MCUB: variants seen among roughly 807,000 people sequenced by gnomAD.
MCUB encodes the protein calcium uniporter regulatory subunit MCUb, mitochondrial.
Under a neutral mutation model 41.4 loss-of-function variants are expected in MCUB, and 46 were observed. The ratio of observed to expected loss-of-function variants is 1.11; its 90% CI spans 0.88 to 1.42. The LOEUF (loss-of-function observed/expected upper bound fraction) is 1.42, where lower values mean the gene tolerates loss of function less well. MCUB is among the 40% of genes most tolerant of loss of function. MCUB has a pLI of 0.00. For synonymous variants in MCUB, 148 were observed against 148.2 expected (o/e 1.00, Z 0.01); for missense variants, 403 against 404.9 (o/e 1.00, Z 0.04).
At chr4:109,603,657 C>T (rs1027531388) in intron 1 of MCUB, among the ~76,000 whole-genome samples, 5 of 150,830 alleles carry the variant, frequency 3.3e-5, no homozygotes, top group African/African-American at 1.2e-4. Context: ...AACTGAGGAG[C>T]GCCTCTGCCC....
chr4:109,658,272 G>A (rs1417414166), intron 1 of MCUB, among the ~76,000 whole-genome samples: 1 of 152,002 alleles, frequency 6.6e-6, no homozygotes, highest in African/African-American at 2.4e-5. Flanking sequence ...CTGGAATTCA[G>A]TACATCTGGT....
chr4:109,660,897 T>C (rs1729217364), intron 3 of MCUB, among the ~76,000 whole-genome samples: 3 of 152,308 alleles, frequency 2.0e-5, no homozygotes, highest in South Asian at 4.1e-4. Context: ...TAAATTTCAG[T>C]TACTTATTTT....
intron 1 of MCUB, among the ~76,000 whole-genome samples, chr4:109,609,571 T>G (rs1346430704): frequency 6.6e-6 from 1 of 152,148 alleles, no homozygotes; most frequent in Non-Finnish European, 1.5e-5. Context: ...ATTCTGTGAC[T>G]TAGAATGTCT....
intron 1 of MCUB, among the ~76,000 whole-genome samples, chr4:109,572,576 T>C (rs1320369477): frequency 6.6e-6 from 1 of 152,178 alleles, no homozygotes; most frequent in Non-Finnish European, 1.5e-5. Context: ...CGTGTCTTAG[T>C]ATATAATATC....
intron 1 of MCUB, among the ~76,000 whole-genome samples, chr4:109,656,606 A>G (rs2126143737): frequency 6.6e-6 from 1 of 152,042 alleles, no homozygotes; most frequent in East Asian, 1.9e-4. Context: ...TCTGGGCTCA[A>G]GCAATCCGTC....
chr4:109,675,996 CAG>C (rs1400096372), intron 4 of MCUB, among the ~76,000 whole-genome samples: 1 of 152,104 alleles, frequency 6.6e-6, no homozygotes, highest in East Asian at 1.9e-4. Context: ...CAGCAGAAAA[CAG>C]ATTAAGACAG....
chr4:109,577,256 A>C (rs1051439021), intron 1 of MCUB, among the ~76,000 whole-genome samples: 2 of 152,208 alleles, frequency 1.3e-5, no homozygotes, highest in Non-Finnish European at 2.9e-5. Flanking sequence ...TGCTTTATTC[A>C]ATCATTTTTA....
intron 1 of MCUB, among the ~76,000 whole-genome samples, chr4:109,607,001 C>G (rs1370315298): frequency 2.0e-5 from 3 of 152,174 alleles, no homozygotes; most frequent in Non-Finnish European, 4.4e-5. Flanking sequence ...CCTGCCTCAG[C>G]TTCCCAAAGT....
intron 1 of MCUB, among the ~76,000 whole-genome samples, chr4:109,606,791 G>A (rs1441613406): frequency 6.6e-6 from 1 of 152,180 alleles, no homozygotes; most frequent in Non-Finnish European, 1.5e-5. Flanking sequence ...TTTTCATCCA[G>A]GCTGGAGTGC....
chr4:109,636,828 C>T (rs181785696), intron 1 of MCUB, among the ~76,000 whole-genome samples: 2 of 152,208 alleles, frequency 1.3e-5, no homozygotes, highest in East Asian at 3.9e-4. Flanking sequence ...GAGTGAGACT[C>T]CATCTCAAAA....
At chr4:109,593,485 C>T (rs571931844) in intron 1 of MCUB, among the ~76,000 whole-genome samples, 2 of 152,196 alleles carry the variant, frequency 1.3e-5, no homozygotes, top group Non-Finnish European at 2.9e-5. Flanking sequence ...GGATGATTAT[C>T]TGAGATCACG....
At chr4:109,593,820 T>C (rs146085246) in intron 1 of MCUB, among the ~76,000 whole-genome samples, 2 of 152,354 alleles carry the variant, frequency 1.3e-5, no homozygotes, top group Non-Finnish European at 2.9e-5. Context: ...AGTAATAAAA[T>C]ATAATACATT....
intron 6 of MCUB, 62 bp downstream of exon 6, chr4:109,684,708 G>A (rs1426134464): frequency 8.9e-6 from 7 of 784,900 alleles, no homozygotes; most frequent in Admixed American, 4.9e-5. Flanking sequence ...TCTTATCTAA[G>A]CAATGAGCAA....
At chr4:109,655,055 C>CA (rs1228857846) in intron 1 of MCUB, among the ~76,000 whole-genome samples, 1 of 152,154 alleles carries the variant, frequency 6.6e-6, no homozygotes, top group Non-Finnish European at 1.5e-5. Flanking sequence ...CAGGGGTTCC[C>CA]ATGACCCCCT....
chr4:109,597,851 A>G (rs1727613128), intron 1 of MCUB, among the ~76,000 whole-genome samples: 1 of 149,064 alleles, frequency 6.7e-6, no homozygotes, highest in Non-Finnish European at 1.5e-5. Context: ...GGCGGTTGCC[A>G]GGCAGAGGAT....
At chr4:109,678,138 G>A (rs1196271724) in intron 4 of MCUB, among the ~76,000 whole-genome samples, 1 of 151,964 alleles carries the variant, frequency 6.6e-6, no homozygotes, top group South Asian at 2.1e-4. Flanking sequence ...TTGGGGGTAA[G>A]GTTATAGATT....
At chr4:109,680,153 GTC>G (rs1043842504) in intron 4 of MCUB, among the ~76,000 whole-genome samples, 1 of 152,096 alleles carries the variant, frequency 6.6e-6, no homozygotes, top group African/African-American at 2.4e-5. Context: ...GGACTTGGGA[GTC>G]TCTCTTTGAA....
chr4:109,631,575 AAAAG>A (rs1299229544), intron 1 of MCUB, among the ~76,000 whole-genome samples: 1 of 152,214 alleles, frequency 6.6e-6, no homozygotes, highest in Non-Finnish European at 1.5e-5. Context: ...AGTAAGGAAA[AAAAG>A]AGGAAGTATA....
chr4:109,608,051 A>G (rs897786795), intron 1 of MCUB, among the ~76,000 whole-genome samples: 1 of 151,956 alleles, frequency 6.6e-6, no homozygotes, highest in Non-Finnish European at 1.5e-5. Context: ...CCTTCTCTAG[A>G]TATTGTAGGT....
Sources: gnomAD v4.1 joint callset for allele counts (sites outside exome capture counted in the v4.1 genomes callset) on GRCh38, gnomAD v4.1.1 for gene constraint, MANE v1.5 for transcripts, NCBI Gene and HGNC (gene_info 2026-07-23, HGNC 2026-07-21) for gene names.